The following ZNF229 variants were observed in gnomAD, a reference collection of about 807,000 sequenced individuals.
The protein encoded by ZNF229 is zinc finger protein 229.
ZNF229 carries 10 observed loss-of-function variants against 11.8 expected under a neutral mutation model. The ratio of observed to expected loss-of-function variants is 0.85; its 90% confidence interval spans 0.52 to 1.44. ZNF229 has a LOEUF of 1.44. Ranked by LOEUF, ZNF229 falls within the 40% of genes most tolerant of loss-of-function variation. ZNF229 has a pLI of 0.00. For synonymous variants in ZNF229, 368 were observed against 374.8 expected, an observed-to-expected ratio of 0.98 and a Z score of 0.21; for missense variants, 1,045 against 1,015.1, an observed-to-expected ratio of 1.03 and a Z score of -0.40.
At position 44,432,708 on chromosome 19, in the gene ZNF229, G is replaced by T. The variant is rs12460539; in HGVS notation, c.94-342C>A. ...ACTGTTGTGGGGTGGGGGGAGTGGG[G>T]AGGGATAGCATTAGGAGATATACCT... On this transcript the variant is annotated intron_variant, in intron 4 of 5. Transcript: ENST00000614049. Among the ~76,000 whole-genome samples, 5 of 151,706 alleles carry T rather than the reference G, an allele frequency of 3.3e-5. No homozygotes were observed. In the East Asian group the frequency reaches 9.7e-4, roughly 29 times the overall value.
rs2571174 is a variant in ZNF229, at chr19:44,430,314, A to G, written c.467T>C (p.Phe156Ser). ...ASTPCFPIEN[F>S]LDSLQGDGLI... ...CCCATCCCCTTGTAGACTGTCCAGGAAATTCTCAATTGGAAAACACGGCGT... is the reference window on the plus strand; with the variant it reads ...CCCATCCCCTTGTAGACTGTCCAGGGAATTCTCAATTGGAAAACACGGCGT... The change falls in exon 6 of 6, where the codon TTC (phenylalanine) becomes TCC (serine). Residue 156 changes from phenylalanine to serine, a missense_variant. By Grantham distance (155) the Phe-to-Ser change is radical. Coordinates refer to ENST00000614049, the MANE Select transcript of ZNF229 (RefSeq NM_014518.4). 0.097 allele frequency: 155,853 copies of G among 1,614,002 alleles called. 8,833 individuals are homozygous for G. The highest frequency in any genetic ancestry group is 0.27 in the East Asian group (12,318 of 44,868).
At chr19:44,438,362 T>C (rs1327986512) in intron 4 of ZNF229, among the ~76,000 whole-genome samples, 1 of 152,212 alleles carries the variant, frequency 6.6e-6, no homozygotes, top group East Asian at 1.9e-4. Flanking sequence ...CTCCATCAGA[T>C]GAGCAAAAAT....
intron 4 of ZNF229, among the ~76,000 whole-genome samples, chr19:44,441,133 A>G (rs1019004460): frequency 6.6e-6 from 1 of 152,152 alleles, no homozygotes; most frequent in African/African-American, 2.4e-5. Flanking sequence ...GCAACCAACA[A>G]ATAAATTCAA....
chr19:44,447,717 C>T (rs1194917927), intron 1 of ZNF229, 117 bp from the exon 2 acceptor site: 1 of 152,178 alleles, frequency 6.6e-6, no homozygotes, highest in Non-Finnish European at 1.5e-5. Context: ...GTAATCTACC[C>T]TCGCTACTTG....
At chr19:44,443,304 G>A (rs115583591) in intron 2 of ZNF229, among the ~76,000 whole-genome samples, 1,623 of 152,244 alleles carry the variant, frequency 0.011, 28 homozygotes, top group African/African-American at 0.038. Context: ...ACAAATATAT[G>A]GGACCTGTGA....
At chr19:44,437,613 T>C (rs949216341) in intron 4 of ZNF229, among the ~76,000 whole-genome samples, 1 of 152,212 alleles carries the variant, frequency 6.6e-6, no homozygotes, top group African/African-American at 2.4e-5. Context: ...AATCCCATTA[T>C]TGGGTATATA....
Position 44,429,693 on chromosome 19 carries a change from A to G in ZNF229, c.1088T>C (p.Val363Ala). 6.2e-7 allele frequency: 1 copy of G among 1,614,056 alleles called. No homozygotes were observed. Residue 363 changes from valine to alanine, a missense_variant, in exon 6 of 6, where the codon GTT (valine) becomes GCT (alanine). Coordinates refer to ENST00000614049, the MANE Select transcript of ZNF229 (RefSeq NM_014518.4). Reference sequence around the variant, plus strand: ...GTGCACCCCTTGATGAATAAGAAGAACCGATTTATACCTGAACCCCTTTCC... The same window carrying G: ...GTGCACCCCTTGATGAATAAGAAGAGCCGATTTATACCTGAACCCCTTTCC... ...VCGKGFRYKS[V>A]LLIHQGVHTG...
intron 4 of ZNF229, among the ~76,000 whole-genome samples, chr19:44,441,763 A>C (rs1971914393): frequency 1.3e-5 from 2 of 152,176 alleles, no homozygotes; most frequent in Non-Finnish European, 2.9e-5. Context: ...CATTCTTTGC[A>C]CATTTATTCT....
chr19:44,436,935 T>A (rs1568405951), intron 4 of ZNF229, among the ~76,000 whole-genome samples: 1 of 151,826 alleles, frequency 6.6e-6, no homozygotes, highest in African/African-American at 2.4e-5. Context: ...ATATATATAT[T>A]TTATATATTT....
Position 44,428,367 on chromosome 19 carries a change from A to C in ZNF229, c.2414T>G (p.Phe805Cys), listed in dbSNP as rs568503152. 1 of 1,614,046 alleles carries C rather than the reference A, an allele frequency of 6.2e-7. No individual in the cohort carries two copies. Among genetic ancestry groups the C allele is most frequent in the South Asian group, 1.1e-5 (1 of 91,072 alleles). The change falls in exon 6 of 6, where the codon TTC (phenylalanine) becomes TGC (cysteine). Residue 805 changes from phenylalanine to cysteine, a missense_variant. Coordinates refer to ENST00000614049, the MANE Select transcript of ZNF229 (RefSeq NM_014518.4). ...GTTCCGCAGACCTGAGGTATAACTG[A>C]AGCCTTTCCCACACACACCACACGT... is the stretch of plus-strand genomic sequence containing the variant. ...PYTCGVCGKG[F>C]SYTSGLRNHQ... is the part of the protein sequence containing the mutation.
chr19:44,444,071 C>T (rs1421777400), intron 2 of ZNF229, among the ~76,000 whole-genome samples: 4 of 152,114 alleles, frequency 2.6e-5, no homozygotes, highest in Admixed American at 2.6e-4. Flanking sequence ...CTTTATTTAC[C>T]TTTCATGGCT....
intron 4 of ZNF229, among the ~76,000 whole-genome samples, chr19:44,440,990 G>A (rs1345879463): frequency 6.6e-6 from 1 of 152,008 alleles, no homozygotes; most frequent in Non-Finnish European, 1.5e-5. Flanking sequence ...TTCCCAAAGT[G>A]CTAAGATTAC....
intron 5 of ZNF229, among the ~76,000 whole-genome samples, chr19:44,431,557 G>A (rs938115528): frequency 6.6e-6 from 1 of 152,064 alleles, no homozygotes; most frequent in African/African-American, 2.4e-5. Context: ...CTCATTCTGG[G>A]TATGATATTC....
Position 44,429,882 on chromosome 19 carries a change from T to A in ZNF229, c.899A>T (p.Glu300Val), listed in dbSNP as rs2123338951. ...AAGATGGGCACTGTGCCTCAAGCCC[T>A]CACTAAACTCATCATATTGACAGAG... ...EKLCQYDEFS[E>V]GLRHSAHLNR... Residue 300 changes from glutamate (E) to valine (V), a missense_variant, in exon 6 of 6, where the codon GAG (glutamate) becomes GTG (valine). Glu to Val is a moderately radical substitution (Grantham distance 121). Coordinates refer to ENST00000614049, the MANE Select transcript of ZNF229 (RefSeq NM_014518.4). 1.2e-6 allele frequency: 2 copies of A among 1,614,050 alleles called. No homozygotes were observed. The highest frequency in any genetic ancestry group is 1.7e-6 in the Non-Finnish European group (2 of 1,180,014).
intron 4 of ZNF229, among the ~76,000 whole-genome samples, chr19:44,440,450 CACAA>C (rs1971888673): frequency 6.6e-6 from 1 of 152,030 alleles, no homozygotes; most frequent in Non-Finnish European, 1.5e-5. Flanking sequence ...TGACATCAGG[CACAA>C]ACAGAATTAA....
chr19:44,444,787 C>A (rs1273304071), intron 2 of ZNF229, among the ~76,000 whole-genome samples: 1 of 152,100 alleles, frequency 6.6e-6, no homozygotes, highest in Non-Finnish European at 1.5e-5. Flanking sequence ...GCTAAGTTAC[C>A]CTCACTTCCT....
chr19:44,428,238 TCTC>T lies in ZNF229; in HGVS notation c.*62_*64del. 6.6e-7 allele frequency: 1 copy of T among 1,506,388 alleles called. No homozygotes were observed. Among genetic ancestry groups the T allele is most frequent in the South Asian group, 1.3e-5 (1 of 74,432 alleles). 93.3% of individuals were successfully genotyped at this position (1,506,388 alleles called of 1,614,324 possible). On this transcript the variant is annotated 3_prime_UTR_variant, in exon 6 of 6. Transcript: ENST00000614049. ...CTACATGTCACTTTCCTATGGTTTT[TCTC>T]CTGTGTTGGCTCTCAGATGGATAGA... is the stretch of plus-strand genomic sequence containing the variant.
intron 2 of ZNF229, among the ~76,000 whole-genome samples, chr19:44,444,701 C>T (rs1397794113): frequency 6.6e-6 from 1 of 152,208 alleles, no homozygotes; most frequent in Non-Finnish European, 1.5e-5. Context: ...TGCAGTAGAG[C>T]CCAGGAGTCT....
chr19:44,445,521 G>A (rs898554290), intron 2 of ZNF229, among the ~76,000 whole-genome samples: 2 of 152,036 alleles, frequency 1.3e-5, no homozygotes, highest in South Asian at 2.1e-4. Flanking sequence ...CCGGGCCTTC[G>A]TGTTGTTCTC....
Sources: allele counts gnomAD v4.1 joint callset (sites outside exome capture counted in the v4.1 genomes callset), GRCh38; gene constraint gnomAD v4.1.1; transcripts MANE v1.5; gene names NCBI Gene and HGNC (gene_info 2026-07-23, HGNC 2026-07-21).